The following AFG1L variants were observed in gnomAD, a reference collection of about 807,000 sequenced individuals.
AFG1L encodes the protein AFG1 like ATPase.
In AFG1L, 53 loss-of-function variants were observed where a neutral mutation model predicts 62.2. The ratio of observed to expected loss-of-function variants is 0.85; its 90% CI spans 0.68 to 1.07. AFG1L has a LOEUF of 1.07. AFG1L is among the 50% of genes least tolerant of loss of function. AFG1L has a pLI of 0.00. For synonymous variants in AFG1L, 228 were observed against 210.3 expected (o/e 1.08, Z -0.73); for missense variants, 555 against 590.5 (o/e 0.94, Z 0.62).
At chr6:108,315,884 C>CA (rs1777571331) in intron 1 of AFG1L, among the ~76,000 whole-genome samples, 1 of 151,970 alleles carries the variant, frequency 6.6e-6, no homozygotes, top group Admixed American at 6.6e-5. Context: ...CCCCTCTCTA[C>CA]AAAAAATGAA....
intron 2 of AFG1L, among the ~76,000 whole-genome samples, chr6:108,337,225 C>T (rs1302728357): frequency 1.3e-5 from 2 of 152,170 alleles, no homozygotes; most frequent in Non-Finnish European, 2.9e-5. Context: ...ACCTGATATA[C>T]GAGAGATGTT....
intron 7 of AFG1L, among the ~76,000 whole-genome samples, chr6:108,403,157 G>A (rs1038598594): frequency 2.6e-4 from 40 of 152,016 alleles, no homozygotes; most frequent in Non-Finnish European, 1.0e-4. Flanking sequence ...AGTTGAGGAT[G>A]TAAAATATAT....
chr6:108,428,769 G>T (rs952643556), intron 7 of AFG1L, among the ~76,000 whole-genome samples: 1 of 152,030 alleles, frequency 6.6e-6, no homozygotes, highest in South Asian at 2.1e-4. Context: ...GTGTCTATTC[G>T]TGTTATTTTT....
In AFG1L at chr6:108,356,698, C is replaced by G; in HGVS notation, c.526C>G (p.Arg176Gly). Reference sequence around the variant, plus strand: ...AATTTCATGCATTTAAGGAATACATCGCCTTAAACAGAGTTTGCCAAAAAG... The same window carrying G: ...AATTTCATGCATTTAAGGAATACATGGCCTTAAACAGAGTTTGCCAAAAAG... ...FMLDVHKRIH[R>G]LKQSLPKRKP... The change falls in exon 5 of 13, where the codon CGC becomes GGC. Residue 176 changes from arginine (R) to glycine (G), a missense_variant. Transcript: ENST00000368977. 4 of 1,601,354 alleles carry G rather than the reference C, an allele frequency of 2.5e-6. No individual in the cohort carries two copies. Among genetic ancestry groups the G allele is most frequent in the Non-Finnish European group, 3.4e-6 (4 of 1,173,688 alleles).
chr6:108,433,067 A>T (rs1182623656), intron 7 of AFG1L, among the ~76,000 whole-genome samples: 2 of 152,216 alleles, frequency 1.3e-5, no homozygotes, highest in African/African-American at 4.8e-5. Context: ...TCTCTTTGTT[A>T]TGAGGAAATC....
chr6:108,522,153 A>G (rs377276288), intron 12 of AFG1L, 144 bp from the exon 13 acceptor site: 13 of 602,220 alleles, frequency 2.2e-5, no homozygotes, highest in African/African-American at 1.3e-4. Flanking sequence ...GTCTCATTTA[A>G]GAGATTGTAT....
intron 4 of AFG1L, among the ~76,000 whole-genome samples, chr6:108,356,333 A>G (rs1779285814): frequency 6.6e-6 from 1 of 152,196 alleles, no homozygotes; most frequent in South Asian, 2.1e-4. Context: ...TAGACATAAC[A>G]TGCACTACTT....
intron 6 of AFG1L, among the ~76,000 whole-genome samples, chr6:108,393,837 G>T (rs1169518551): frequency 6.6e-6 from 1 of 151,842 alleles, no homozygotes; most frequent in African/African-American, 2.4e-5. Context: ...ATTTTTAAAG[G>T]GCTTATTGAA....
intron 8 of AFG1L, among the ~76,000 whole-genome samples, chr6:108,467,019 G>A (rs1772701246): frequency 6.6e-6 from 1 of 151,830 alleles, no homozygotes; most frequent in Non-Finnish European, 1.5e-5. Flanking sequence ...GTGAATAAGG[G>A]AAATGAGCTT....
At position 108,477,263 on chromosome 6, in the gene AFG1L, G is replaced by A. The variant is rs1199530569; in HGVS notation, c.1033G>A (p.Asp345Asn). The change falls in exon 10 of 13, where the codon GAC (aspartate) becomes AAC (asparagine). Residue 345 changes from aspartate (D) to asparagine (N), a missense_variant. Physicochemically the swap from Asp to Asn is conservative, Grantham distance 23. Coordinates refer to ENST00000368977, the MANE Select transcript of AFG1L (RefSeq NM_145315.5). ...GAATAAAGCCTGTGGAACCGTTGCC[G>A]ACTGCACATTTGAAGAGCTGTGTGA... The part of the protein sequence containing the change: ...RLNKACGTVA[D>N]CTFEELCERP... The A allele has an allele frequency of 5.0e-6, 8 of 1,608,938 alleles. No homozygotes were observed. In the Admixed American group the frequency reaches 5.0e-5, roughly 10 times the overall value.
chr6:108,390,830 G>T (rs1781023867), intron 6 of AFG1L, among the ~76,000 whole-genome samples: 1 of 152,188 alleles, frequency 6.6e-6, no homozygotes, highest in Non-Finnish European at 1.5e-5. Context: ...ACTTGAGGAG[G>T]CAGTCTGTCC....
intron 10 of AFG1L, among the ~76,000 whole-genome samples, chr6:108,486,264 A>AT (rs1330078127): frequency 1.3e-5 from 2 of 151,724 alleles, no homozygotes; most frequent in East Asian, 1.9e-4. Context: ...TTAAACAGAA[A>AT]TTTTTTTTTA....
chr6:108,306,992 A>G (rs1777222043), intron 1 of AFG1L, among the ~76,000 whole-genome samples: 1 of 152,136 alleles, frequency 6.6e-6, no homozygotes, highest in East Asian at 1.9e-4. Flanking sequence ...CTGTTTAAAC[A>G]TAAATTACTT....
In AFG1L at chr6:108,402,034, C is replaced by A; in HGVS notation, c.787C>A (p.Pro263Thr). 6.6e-7 allele frequency: 1 copy of A among 1,511,670 alleles called. No homozygotes were observed. The highest frequency in any genetic ancestry group is 8.9e-7 in the Non-Finnish European group (1 of 1,122,772). The allele number at this position is 1,511,670 out of a possible 1,614,324, so 93.6% of individuals were successfully genotyped here. Residue 263 changes from proline (P) to threonine (T), a missense_variant, in exon 7 of 13, where the codon CCA becomes ACA. Transcript: ENST00000368977. ...KNGLQRANFV[P>T]FIAVLKEYCN... ...TGGACTCCAAAGAGCTAACTTTGTA[C>A]CATTCATAGCAGTCTTGAAGGTAAA...
At chr6:108,356,445 G>A (rs1582428065) in intron 4 of AFG1L, among the ~76,000 whole-genome samples, 1 of 152,288 alleles carries the variant, frequency 6.6e-6, no homozygotes, top group South Asian at 2.1e-4. Context: ...TTTCTGAAAT[G>A]ATTAAAGAGT....
chr6:108,344,794 AGT>A (rs751345164), intron 2 of AFG1L: 14 of 471,036 alleles, frequency 3.0e-5, no homozygotes, highest in Non-Finnish European at 5.7e-5. Flanking sequence ...ACTGCTGCAG[AGT>A]ATGAAGGTTA....
At chr6:108,433,664 C>T (rs527642997) in intron 7 of AFG1L, among the ~76,000 whole-genome samples, 2 of 152,268 alleles carry the variant, frequency 1.3e-5, no homozygotes, top group East Asian at 1.9e-4. Context: ...GCGATCTCAG[C>T]TCACTGCAAC....
intron 10 of AFG1L, among the ~76,000 whole-genome samples, chr6:108,508,978 G>C (rs1354362874): frequency 1.3e-5 from 2 of 152,174 alleles, no homozygotes; most frequent in Non-Finnish European, 2.9e-5. Context: ...AGCTTCCAGA[G>C]GGACTTCAGA....
rs1295095138 is a variant in AFG1L, at chr6:108,443,600, C to T, written c.808-3614C>T. On this transcript the variant is annotated intron_variant, in intron 7 of 12. Coordinates refer to ENST00000368977, the MANE Select transcript of AFG1L (RefSeq NM_145315.5). ...TTGAAAAATGCAGTTTTTGACTGGG[C>T]GTGGTAGCTCATGCCTGCAATCCCA... Among the ~76,000 whole-genome samples, 14 of 152,204 alleles carry T rather than the reference C, an allele frequency of 9.2e-5. No homozygotes were observed. In the East Asian group the frequency reaches 9.7e-4, roughly 10 times the overall value.
Sources: gnomAD v4.1 joint callset for allele counts (sites outside exome capture counted in the v4.1 genomes callset) on GRCh38, gnomAD v4.1.1 for gene constraint, MANE v1.5 for transcripts, NCBI Gene and HGNC (gene_info 2026-07-23, HGNC 2026-07-21) for gene names.